The following NFIC variants were observed in gnomAD, a reference collection of about 807,000 sequenced individuals.
NFIC encodes the protein nuclear factor I C, also known as nuclear factor 1 C-type.
NFIC carries 12 observed loss-of-function variants against 54.4 expected under a neutral mutation model. The ratio of observed to expected loss-of-function variants is 0.22; its 90% CI spans 0.14 to 0.36. NFIC has a LOEUF of 0.36. NFIC is among the 10% of genes least tolerant of loss of function. The pLI, the probability that NFIC is intolerant of heterozygous loss-of-function variation, is 1.00. For missense variants in NFIC, 575 were observed against 718.2 expected (o/e 0.80, Z 2.28); for synonymous variants, 322 against 319.2 (o/e 1.01, Z -0.09).
rs1239822424 is a variant in NFIC at position 3,456,729 on chromosome 19, C to T, written c.1509+94C>T. 130 of 1,199,966 alleles carry T rather than the reference C, an allele frequency of 1.1e-4. 1 individual carries two copies. In the East Asian group the frequency reaches 3.2e-3, roughly 29 times the overall value. 74.3% of individuals were successfully genotyped at this position (1,199,966 alleles called of 1,614,324 possible). The stretch of plus-strand genomic sequence containing the variant: ...GGCGAAGAGGGCCTGCTGGGTCCCA[C>T]GCCACACCCCTGGCACAGGGGCGCC... On this transcript the variant is annotated intron_variant, in intron 10 of 10. Transcript: ENST00000443272.
At chr19:3,364,181 G>T (rs1018314081), upstream of NFIC, among the ~76,000 whole-genome samples, 6 of 150,770 alleles carry the variant, frequency 4.0e-5, no homozygotes, top group African/African-American at 1.5e-4. Context: ...AAATGAGCCA[G>T]ATTGTGCTCG....
chr19:3,437,627 C>G (rs1263954260), intron 6 of NFIC, among the ~76,000 whole-genome samples: 1 of 127,224 alleles, frequency 7.9e-6, no homozygotes, highest in Non-Finnish European at 1.6e-5. Flanking sequence ...CAGAACGAGA[C>G]TATGTCTCAA....
At chr19:3,401,814 C>G (rs1235499928) in intron 2 of NFIC, among the ~76,000 whole-genome samples, 1 of 151,300 alleles carries the variant, frequency 6.6e-6, no homozygotes, top group African/African-American at 2.4e-5. Context: ...CTCTGCCTCA[C>G]AGGTTTAAGA....
chr19:3,385,443 G>A (rs1433263325), intron 2 of NFIC, among the ~76,000 whole-genome samples: 1 of 152,178 alleles, frequency 6.6e-6, no homozygotes, highest in Non-Finnish European at 1.5e-5. Flanking sequence ...AAGGCATCGT[G>A]AAGACCAGGC....
At position 3,459,922 on chromosome 19, in the gene NFIC, T is replaced by C. The variant is rs1041953916; in HGVS notation, c.1510-2830T>C. Among the ~76,000 whole-genome samples the C allele has an allele frequency of 6.6e-6, 1 of 152,096 alleles. No individual in the cohort carries two copies. The highest frequency in any genetic ancestry group is 1.5e-5 in the Non-Finnish European group (1 of 68,002). ...GGGGCGGCCCCACCTCTAACCTCAG[T>C]TGGGGAGTGGAGGGGTCTCCCCAGT... is the stretch of plus-strand genomic sequence containing the variant. On this transcript the variant is annotated intron_variant, in intron 10 of 10. Transcript: ENST00000443272. This position sits in a 1 kb window ranked among gnomAD's most constrained non-coding sequence, Gnocchi z 4.2.
chr19:3,428,558 G>A (rs367854768), intron 3 of NFIC, among the ~76,000 whole-genome samples: 64 of 152,166 alleles, frequency 4.2e-4, no homozygotes, highest in Middle Eastern at 3.4e-3. Flanking sequence ...GAAGGTTCTC[G>A]GAGGTTCACA....
chr19:3,363,269 ATTTTTTTTT>A (rs1178364391), upstream of NFIC, among the ~76,000 whole-genome samples: 22 of 36,688 alleles, frequency 6.0e-4, 2 homozygotes, highest in South Asian at 1.7e-3. Flanking sequence ...ATATATATAT[ATTTTTTTTT>A]TTTTTTTTTT....
intron 2 of NFIC, among the ~76,000 whole-genome samples, chr19:3,408,565 C>T (rs2081695135): frequency 6.6e-6 from 1 of 152,194 alleles, no homozygotes; most frequent in African/African-American, 2.4e-5. Context: ...CCTCAGCCTC[C>T]TGAGCATCTG....
chr19:3,404,889 C>A (rs1021680888), intron 2 of NFIC, among the ~76,000 whole-genome samples: 3 of 152,046 alleles, frequency 2.0e-5, no homozygotes, highest in African/African-American at 7.2e-5. Flanking sequence ...CCGGGGTCCC[C>A]AGGGGTCCCC....
In NFIC at chr19:3,397,888, C is replaced by T. The variant is rs116516914; in HGVS notation, c.562+15645C>T. ...GGGGGTGGGGAGCTGTGTACCTACA[C>T]ACCCTCGTGGCTTGGGGGAGGCCTG... On this transcript the variant is annotated intron_variant, in intron 2 of 10. Coordinates refer to ENST00000443272, the MANE Select transcript of NFIC (RefSeq NM_001245002.2). Among the ~76,000 whole-genome samples the T allele has an allele frequency of 7.6e-3, 1,164 of 152,348 alleles. 17 individuals are homozygous for T. Among genetic ancestry groups the T allele is most frequent in the African/African-American group, 0.027 (1,125 of 41,582 alleles).
chr19:3,428,498 G>A (rs930982583), intron 3 of NFIC, among the ~76,000 whole-genome samples: 1 of 151,888 alleles, frequency 6.6e-6, no homozygotes, highest in African/African-American at 2.4e-5. Context: ...AAGCGAGTGG[G>A]TGAGGCGTCC....
intron 1 of NFIC, among the ~76,000 whole-genome samples, chr19:3,378,655 T>C (rs762839061): frequency 1.1e-4 from 17 of 152,158 alleles, no homozygotes; most frequent in Non-Finnish European, 2.4e-4. Context: ...AGACACCAAT[T>C]TGTCATGATT....
intron 1 of NFIC, among the ~76,000 whole-genome samples, chr19:3,359,979 C>T (rs1185416495): frequency 2.0e-5 from 3 of 150,116 alleles, no homozygotes; most frequent in Non-Finnish European, 4.5e-5. Flanking sequence ...GAGAAGGCCC[C>T]CGCAACCCCA....
At chr19:3,442,380 C>CG (rs2082307578) in intron 6 of NFIC, among the ~76,000 whole-genome samples, 1 of 132,648 alleles carries the variant, frequency 7.5e-6, no homozygotes, top group Non-Finnish European at 1.6e-5. Context: ...CTTCCCATCC[C>CG]TTTTTTTTTT....
chr19:3,398,776 C>A (rs1222713761), intron 2 of NFIC, among the ~76,000 whole-genome samples: 1 of 152,148 alleles, frequency 6.6e-6, no homozygotes, highest in East Asian at 1.9e-4. Context: ...TATGCAAGGG[C>A]AGCCGGCCCG....
chr19:3,363,853 C>T (rs750393502), upstream of NFIC, among the ~76,000 whole-genome samples: 13 of 152,176 alleles, frequency 8.5e-5, no homozygotes, highest in Non-Finnish European at 1.8e-4. Flanking sequence ...GGGCCCAGGA[C>T]GGCCCCAACC....
At chr19:3,374,512 G>A (rs1599564269) in intron 1 of NFIC, among the ~76,000 whole-genome samples, 1 of 152,298 alleles carries the variant, frequency 6.6e-6, no homozygotes, top group East Asian at 1.9e-4. Context: ...AGACCTTACT[G>A]TCACCCAGCC....
chr19:3,454,599 T>G (rs2082523133), intron 9 of NFIC, among the ~76,000 whole-genome samples: 1 of 152,006 alleles, frequency 6.6e-6, no homozygotes, highest in Admixed American at 6.6e-5. Context: ...TCGTCCGCAG[T>G]GGCTCTACCC....
intron 2 of NFIC, among the ~76,000 whole-genome samples, chr19:3,416,929 G>T (rs111362573): frequency 1.3e-5 from 2 of 150,062 alleles, no homozygotes; most frequent in East Asian, 2.0e-4. Flanking sequence ...CGTCGCCCAG[G>T]CTGGAGTGCA....
Sources: gnomAD v4.1 joint callset for allele counts (sites outside exome capture counted in the v4.1 genomes callset) on GRCh38, gnomAD v4.1.1 for gene constraint, Gnocchi (gnomAD v3.1) non-coding constraint, MANE v1.5 for transcripts, NCBI Gene and HGNC (gene_info 2026-07-23, HGNC 2026-07-21) for gene names.